The following ACSM2B variants were observed in gnomAD, a reference collection of about 807,000 sequenced individuals.
The protein encoded by ACSM2B is acyl-CoA synthetase medium chain family member 2B, also known as acyl-coenzyme A synthetase ACSM2B, mitochondrial.
In ACSM2B, 58 loss-of-function variants were observed where a neutral mutation model predicts 78.6. The observed-to-expected ratio is 0.74, with a 90% CI of 0.60 to 0.92. The LOEUF (loss-of-function observed/expected upper bound fraction) is 0.92, where lower values mean the gene tolerates loss of function less well. Ranked by LOEUF, ACSM2B falls within the 40% of genes least tolerant of loss-of-function variation. ACSM2B has a pLI of 0.00. For synonymous variants in ACSM2B, 257 were observed against 256.8 expected (o/e 1.00, Z -0.01); for missense variants, 688 against 711.2 (o/e 0.97, Z 0.37).
At chr16:20,545,986 A>G (rs1273084943) in intron 9 of ACSM2B, among the ~76,000 whole-genome samples, 1 of 152,200 alleles carries the variant, frequency 6.6e-6, no homozygotes, top group African/African-American at 2.4e-5. Context: ...GTGGATACAT[A>G]CTATTTAATA....
Position 20,555,461 on chromosome 16 carries a change from G to A in ACSM2B, c.404C>T (p.Pro135Leu). ...AGTGGATTTCATCTGGATGGTTCCAGGCATAAAGATGAGACCTAAAGAAGC... is the reference window on the plus strand; with the variant it reads ...AGTGGATTTCATCTGGATGGTTCCAAGCATAAAGATGAGACCTAAAGAAGC... ...GCIRAGLIFM[P>L]GTIQMKSTDI... is the part of the protein sequence containing the mutation. The change falls in exon 4 of 14, where the codon CCT (proline) becomes CTT (leucine). Residue 135 changes from proline to leucine, a missense_variant. Coordinates refer to ENST00000329697, the MANE Select transcript of ACSM2B (RefSeq NM_001105069.2). The A allele has an allele frequency of 6.2e-7, 1 of 1,613,106 alleles. No homozygotes were observed. The highest frequency in any genetic ancestry group is 8.5e-7 in the Non-Finnish European group (1 of 1,179,246).
intron 1 of ACSM2B, among the ~76,000 whole-genome samples, chr16:20,567,493 A>AATATATAAATT (rs1555459523): frequency 3.4e-5 from 4 of 117,950 alleles, no homozygotes; most frequent in African/African-American, 1.4e-4. Flanking sequence ...ATATATAAAT[A>AATATATAAATT]ATATATAAAA....
chr16:20,553,656 CTGAATTT>C, intron 5 of ACSM2B, 114 bp downstream of exon 5: 1 of 1,461,158 alleles, frequency 6.8e-7, no homozygotes, highest in Non-Finnish European at 9.2e-7. Context: ...AGCTTTCCTT[CTGAATTT>C]TCTTTCTCAG....
chr16:20,559,826 C>G (rs1481067209), intron 2 of ACSM2B, among the ~76,000 whole-genome samples: 1 of 150,830 alleles, frequency 6.6e-6, no homozygotes, highest in East Asian at 1.9e-4. Context: ...CCTTTAATGT[C>G]TTAGTAGAAT....
chr16:20,569,454 A>G (rs1003095140), intron 1 of ACSM2B, among the ~76,000 whole-genome samples: 1 of 151,974 alleles, frequency 6.6e-6, no homozygotes, highest in African/African-American at 2.4e-5. Flanking sequence ...ATACCAGACC[A>G]TGCTGTTTTG....
chr16:20,569,031 A>G (rs1403384330), intron 1 of ACSM2B, among the ~76,000 whole-genome samples: 1 of 151,694 alleles, frequency 6.6e-6, no homozygotes, highest in Non-Finnish European at 1.5e-5. Context: ...TACTTTGCTG[A>G]CTGTTCCTTT....
At chr16:20,547,136 G>T (rs1417959124) in intron 8 of ACSM2B, 4 of 1,021,286 alleles carry the variant, frequency 3.9e-6, no homozygotes, top group Non-Finnish European at 3.6e-6. Context: ...ATCTTTTCCC[G>T]CCACCCACTG....
At chr16:20,544,795 T>A (rs1013575610) in intron 10 of ACSM2B, 2 of 994,678 alleles carry the variant, frequency 2.0e-6, no homozygotes, top group African/African-American at 1.7e-5. Context: ...CTAAAGAAGA[T>A]CAACGGCATA....
chr16:20,540,717 C>T lies in ACSM2B; in HGVS notation c.1566G>A (p.Gln522=), dbSNP rs200623268. 99 of 1,614,080 alleles carry T rather than the reference C, an allele frequency of 6.1e-5. No individual in the cohort carries two copies. In the Admixed American group the frequency reaches 1.6e-3, roughly 26 times the overall value. Residue 522 remains glutamine (Q), a synonymous_variant, in exon 13 of 14, where the codon CAG becomes CAA. Coordinates refer to ENST00000329697, the MANE Select transcript of ACSM2B (RefSeq NM_001105069.2). ...ASQFLSHDPE[Q]LTKELQQHVK... ...CATGCTGCTGCAGCTCCTTGGTGAG[C>T]TGTTCTGGGTCATGGGATAGGAACT...
At chr16:20,544,439 T>C in intron 10 of ACSM2B, 2 of 552,356 alleles carry the variant, frequency 3.6e-6, no homozygotes, top group Non-Finnish European at 4.6e-6. Context: ...GAGTTGAAAG[T>C]TTAAATGAGT....
At chr16:20,548,678 T>C (rs1404672834) in intron 6 of ACSM2B, among the ~76,000 whole-genome samples, 1 of 152,168 alleles carries the variant, frequency 6.6e-6, no homozygotes, top group Non-Finnish European at 1.5e-5. Flanking sequence ...TGAGTACATA[T>C]TATTGTAGTG....
intron 2 of ACSM2B, 54 bp from the exon 3 acceptor site, chr16:20,559,501 G>C: frequency 1.3e-6 from 2 of 1,583,916 alleles, no homozygotes; most frequent in South Asian, 2.3e-5. Context: ...AAGCAGGTAG[G>C]ATAAATTCCA....
In ACSM2B at chr16:20,552,137, C is replaced by T. The variant is rs535819121; in HGVS notation, c.894+7G>A. 485 of 1,601,862 alleles carry T rather than the reference C, an allele frequency of 3.0e-4. 6 individuals carry two copies. The South Asian group carries it at 5.3e-3, about 18-fold the overall frequency. On this transcript the variant is annotated splice_region_variant and intron_variant, in intron 6 of 13. Coordinates refer to ENST00000329697, the MANE Select transcript of ACSM2B (RefSeq NM_001105069.2). ...GAATAACTGCTGCAAACTGGATCCT[C>T]TCTTACCTTTAGAATAACCAGTGGG...
In ACSM2B at chr16:20,543,277, A is replaced by G. The variant is rs1300342611; in HGVS notation, c.1282-15T>C. 6.2e-7 allele frequency: 1 copy of G among 1,611,986 alleles called. No homozygotes were observed. The highest frequency in any genetic ancestry group is 1.7e-5 in the Admixed American group (1 of 59,960). ...TCGGGATTTTCCTGGTGACCACAGAAAGACAGAGTCATTGTGCCTGCAAAG... is the reference window on the plus strand; with the variant it reads ...TCGGGATTTTCCTGGTGACCACAGAGAGACAGAGTCATTGTGCCTGCAAAG... On this transcript the variant is annotated splice_polypyrimidine_tract_variant and intron_variant, in intron 10 of 13. Coordinates refer to ENST00000329697, the MANE Select transcript of ACSM2B (RefSeq NM_001105069.2).
rs746101181 is a variant in ACSM2B at position 20,548,377 on chromosome 16, C to A, written c.974+17G>T. 1 of 1,613,400 alleles carries A rather than the reference C, an allele frequency of 6.2e-7. No homozygotes were observed. The highest frequency in any genetic ancestry group is 8.5e-7 in the Non-Finnish European group (1 of 1,179,700). On this transcript the variant is annotated intron_variant, in intron 7 of 13. Transcript: ENST00000329697. The stretch of plus-strand genomic sequence containing the variant: ...GATGGGGCCAGACTCTCTTACCAAT[C>A]CTCAAAGCCCCATCACCTGGAAAGA...
chr16:20,569,123 C>A (rs2016019883), intron 1 of ACSM2B, among the ~76,000 whole-genome samples: 1 of 151,950 alleles, frequency 6.6e-6, no homozygotes, highest in Non-Finnish European at 1.5e-5. Context: ...GGTTCTTGGT[C>A]ATAAAATCTT....
chr16:20,539,625 C>T (rs1231777447), intron 13 of ACSM2B, among the ~76,000 whole-genome samples: 3 of 151,974 alleles, frequency 2.0e-5, no homozygotes, highest in African/African-American at 4.8e-5. Context: ...CCCATCCCCC[C>T]TGCACTTTCT....
chr16:20,542,721 C>A lies in ACSM2B; in HGVS notation c.1509+193G>T. The stretch of plus-strand genomic sequence containing the variant: ...AGCACATTTAACCCTCATAACAATC[C>A]CTCATCTTACAGATGAAGAAACTGA... On this transcript the variant is annotated intron_variant, in intron 12 of 13. Coordinates refer to ENST00000329697, the MANE Select transcript of ACSM2B (RefSeq NM_001105069.2). 1.2e-5 allele frequency: 8 copies of A among 679,092 alleles called. No homozygotes were observed. The South Asian group carries it at 1.6e-4, about 14-fold the overall frequency. 42.1% of individuals were successfully genotyped at this position (679,092 alleles called of 1,614,324 possible). A position where few individuals can be genotyped will look rare whatever the true frequency, so the allele number is the denominator to read the frequency against.
chr16:20,567,187 C>T (rs1290912360), intron 1 of ACSM2B, among the ~76,000 whole-genome samples: 1 of 128,786 alleles, frequency 7.8e-6, no homozygotes, highest in Admixed American at 9.2e-5. Context: ...ACTATTATAA[C>T]ATATTATACT....
Sources: gnomAD v4.1 joint callset for allele counts (sites outside exome capture counted in the v4.1 genomes callset) on GRCh38, gnomAD v4.1.1 for gene constraint, MANE v1.5 for transcripts, NCBI Gene and HGNC (gene_info 2026-07-23, HGNC 2026-07-21) for gene names.